The following TRPC1 variants were observed in gnomAD, a reference collection of about 807,000 sequenced individuals.
TRPC1 encodes transient receptor potential cation channel subfamily C member 1.
A neutral mutation model predicts 88.2 loss-of-function variants in TRPC1; 42 were observed. That is an observed-to-expected ratio of 0.48 (90% confidence interval 0.37 to 0.62). The LOEUF (loss-of-function observed/expected upper bound fraction) is 0.62. TRPC1 is among the 20% of genes least tolerant of loss of function. TRPC1 has a pLI of 0.00. For missense variants in TRPC1, 699 were observed against 957.3 expected (o/e 0.73, Z 3.56); for synonymous variants, 288 against 331.8 (o/e 0.87, Z 1.43).
chr3:142,724,637 C>T lies in TRPC1; in HGVS notation c.78C>T (p.Ser26=). Residue 26 remains serine, a synonymous_variant, in exon 1 of 13, where the codon TCC becomes TCT. Coordinates refer to ENST00000476941, the MANE Select transcript of TRPC1 (RefSeq NM_001251845.2). This position sits in a 1 kb window ranked among gnomAD's most constrained non-coding sequence, Gnocchi z 5.6. ...CCCTGCCTTCCTCTCCATCCTCTTC[C>T]TCGCCGAACGAGGTGATGGCGCTGA... ...SSSLPSSPSS[S]SPNEVMALKD... 1 of 1,613,022 alleles carries T rather than the reference C, an allele frequency of 6.2e-7. No individual in the cohort carries two copies. Among genetic ancestry groups the T allele is most frequent in the Non-Finnish European group, 8.5e-7 (1 of 1,179,564 alleles).
chr3:142,738,483 AT>A (rs1272315762), intron 2 of TRPC1, among the ~76,000 whole-genome samples: 1 of 152,224 alleles, frequency 6.6e-6, no homozygotes, highest in Non-Finnish European at 1.5e-5. Context: ...ACCATTTTAT[AT>A]TGCTTTGCAT....
In TRPC1 at chr3:142,784,772, A is replaced by G; in HGVS notation, c.1029A>G (p.Arg343=). 1 of 1,614,124 alleles carries G rather than the reference A, an allele frequency of 6.2e-7. No homozygotes were observed. The highest frequency in any genetic ancestry group is 8.5e-7 in the Non-Finnish European group (1 of 1,180,010). ...GGTTTGGACAGATGTCGGGTTACCG[A>G]CGCAAGCCCACCTGTAAGAAGATAA... The part of the protein sequence containing the change: ...TVWFGQMSGY[R]RKPTCKKIMT... The change falls in exon 7 of 13, where the codon CGA becomes CGG. Residue 343 remains arginine (R), a synonymous_variant. Transcript: ENST00000476941.
At chr3:142,790,397 G>C (rs7637846) in intron 7 of TRPC1, among the ~76,000 whole-genome samples, 46,882 of 151,974 alleles carry the variant, frequency 0.31, 9,149 homozygotes, top group African/African-American at 0.57. Flanking sequence ...TATGCACAAT[G>C]AGCAGCAGTG....
chr3:142,743,319 A>G (rs1330711757), intron 2 of TRPC1, among the ~76,000 whole-genome samples, 166 bp from the exon 3 acceptor site: 1 of 152,160 alleles, frequency 6.6e-6, no homozygotes, highest in Non-Finnish European at 1.5e-5. Context: ...AGTACTCCTA[A>G]GGCAAGCAAA....
intron 4 of TRPC1, 107 bp downstream of exon 4, chr3:142,748,567 G>A (rs966742663): frequency 4.9e-6 from 6 of 1,231,368 alleles, no homozygotes; most frequent in African/African-American, 1.5e-5. Context: ...GTGATGCTGG[G>A]GTGACTTATG....
intron 2 of TRPC1, 94 bp from the exon 3 acceptor site, chr3:142,743,391 A>T: frequency 9.9e-7 from 1 of 1,007,242 alleles, no homozygotes; most frequent in Non-Finnish European, 1.4e-6. Context: ...AATACAGTTT[A>T]AATTTTTAAA....
At chr3:142,799,197 C>G (rs186347655) in intron 9 of TRPC1, among the ~76,000 whole-genome samples, 323 of 150,862 alleles carry the variant, frequency 2.1e-3, no homozygotes, top group African/African-American at 7.4e-3. Flanking sequence ...ATTTTTTCCT[C>G]TGTGTGTACT....
intron 11 of TRPC1, 29 bp downstream of exon 11, chr3:142,804,207 T>C: frequency 6.2e-7 from 1 of 1,608,120 alleles, no homozygotes; most frequent in Non-Finnish European, 8.5e-7. Context: ...AAACTTTATA[T>C]TCTCCTCAGA....
chr3:142,758,791 T>C (rs1257085225), intron 4 of TRPC1, among the ~76,000 whole-genome samples: 1 of 152,064 alleles, frequency 6.6e-6, no homozygotes, highest in Admixed American at 6.6e-5. Flanking sequence ...ACTTGTCATT[T>C]ACATTAGGTA....
At chr3:142,735,503 T>A (rs1220374811) in intron 1 of TRPC1, among the ~76,000 whole-genome samples, 1 of 152,216 alleles carries the variant, frequency 6.6e-6, no homozygotes, top group Non-Finnish European at 1.5e-5. Flanking sequence ...GCTTTTTTTC[T>A]CTATTTAATT....
At chr3:142,795,563 T>A (rs1486818888) in intron 9 of TRPC1, among the ~76,000 whole-genome samples, 10 of 151,902 alleles carry the variant, frequency 6.6e-5, no homozygotes. Flanking sequence ...GGAGTGACAT[T>A]TGTAAAGCAC....
chr3:142,771,554 A>G (rs1396293278), intron 4 of TRPC1, among the ~76,000 whole-genome samples: 1 of 152,142 alleles, frequency 6.6e-6, no homozygotes, highest in Non-Finnish European at 1.5e-5. Context: ...TCTCGTAATG[A>G]TATTTTTGTT....
chr3:142,770,342 C>A (rs1380755065), intron 4 of TRPC1, among the ~76,000 whole-genome samples: 2 of 152,062 alleles, frequency 1.3e-5, no homozygotes, highest in African/African-American at 2.4e-5. Context: ...AGTAATCCGC[C>A]CGCCTCAGCC....
chr3:142,762,243 C>T (rs1935205326), intron 4 of TRPC1, among the ~76,000 whole-genome samples: 1 of 151,874 alleles, frequency 6.6e-6, no homozygotes, highest in Admixed American at 6.6e-5. Flanking sequence ...ACCATGTTGC[C>T]CAGGCTGGTC....
intron 3 of TRPC1, among the ~76,000 whole-genome samples, chr3:142,744,472 A>G (rs1934467589): frequency 6.6e-6 from 1 of 152,186 alleles, no homozygotes; most frequent in Non-Finnish European, 1.5e-5. Flanking sequence ...TTAAAAGCCC[A>G]TGTGACATAA....
At chr3:142,803,074 C>T (rs1170023481) in intron 10 of TRPC1, among the ~76,000 whole-genome samples, 1 of 152,124 alleles carries the variant, frequency 6.6e-6, no homozygotes, top group Non-Finnish European at 1.5e-5. Flanking sequence ...AGCTTACATT[C>T]TAGGGAGGTG....
At chr3:142,741,658 T>TG (rs1451337884) in intron 2 of TRPC1, among the ~76,000 whole-genome samples, 1 of 152,226 alleles carries the variant, frequency 6.6e-6, no homozygotes, top group African/African-American at 2.4e-5. Flanking sequence ...GAAGGATACT[T>TG]GGGAAAGCCA....
In TRPC1 at chr3:142,724,496, G is replaced by T. The variant is rs532103201; in HGVS notation, c.-64G>T. On this transcript the variant is annotated 5_prime_UTR_variant, in exon 1 of 13. Coordinates refer to ENST00000476941, the MANE Select transcript of TRPC1 (RefSeq NM_001251845.2). This position sits in a 1 kb window ranked among gnomAD's most constrained non-coding sequence, Gnocchi z 5.6. ...GCCCTGGGGCGTGGCTGGGGTCGGG[G>T]TCGGGGTCGGGGCCGGTGGGGGCCC... The T allele has an allele frequency of 5.5e-4, 797 of 1,437,676 alleles. 3 individuals carry two copies. The African/African-American group carries it at 0.011, about 20-fold the overall frequency. The allele number at this position is 1,437,676 out of a possible 1,614,324, so 89.1% of individuals were successfully genotyped here. A position where few individuals can be genotyped will look rare whatever the true frequency, so the allele number is the denominator to read the frequency against.
rs146997823 is a variant in TRPC1 at position 142,785,647 on chromosome 3, C to T, written c.1297+607C>T. ...CTCCCAGTAGCTGGGATTACAGGTG[C>T]GTGCCACCACACCTGGCTAATTTTT... On this transcript the variant is annotated intron_variant, in intron 7 of 12. Transcript: ENST00000476941. Among the ~76,000 whole-genome samples, 439 of 152,120 alleles carry T rather than the reference C, an allele frequency of 2.9e-3. 1 individual carries two copies. Among genetic ancestry groups the T allele is most frequent in the Non-Finnish European group, 4.1e-3 (282 of 67,984 alleles).
Sources: gnomAD v4.1 joint callset for allele counts (sites outside exome capture counted in the v4.1 genomes callset) on GRCh38, gnomAD v4.1.1 for gene constraint, Gnocchi (gnomAD v3.1) non-coding constraint, MANE v1.5 for transcripts, NCBI Gene and HGNC (gene_info 2026-07-23, HGNC 2026-07-21) for gene names.